The following CNOT9 variants were observed in gnomAD, a reference collection of about 807,000 sequenced individuals.
CNOT9 encodes the protein RCD1 required for cell differentiation1 homolog.
Under a neutral mutation model 37.4 loss-of-function variants are expected in CNOT9, and 8 were observed. That is an observed-to-expected ratio of 0.21 (90% CI 0.13 to 0.39). The LOEUF (loss-of-function observed/expected upper bound fraction) is 0.39, where lower values mean the gene tolerates loss of function less well. Among genes scored for constraint, CNOT9 ranks in the 10% least tolerant of loss-of-function variants. The probability of loss-of-function intolerance (pLI) is 1.00; values close to 1 mark genes in which losing one functional copy is unlikely to be tolerated. For synonymous variants in CNOT9, 120 were observed against 137.6 expected (o/e 0.87, Z 0.90); for missense variants, 154 against 365.3 (o/e 0.42, Z 4.71).
chr2:218,570,115 C>T (rs965563601), intron 1 of CNOT9, among the ~76,000 whole-genome samples: 1 of 152,110 alleles, frequency 6.6e-6, no homozygotes, highest in African/African-American at 2.4e-5. Flanking sequence ...AGATACTTTG[C>T]TGCATGAAAG....
intron 7 of CNOT9, chr2:218,593,692 C>A: frequency 7.9e-7 from 1 of 1,263,150 alleles, no homozygotes; most frequent in Non-Finnish European, 1.0e-6. Context: ...AAATTGATAA[C>A]TTAGTATAGA....
Position 218,587,653 on chromosome 2 carries a change from A to G in CNOT9, c.498A>G (p.Leu166=), listed in dbSNP as rs529993345. 6.2e-7 allele frequency: 1 copy of G among 1,606,882 alleles called. No homozygotes were observed. Among genetic ancestry groups the G allele is most frequent in the South Asian group, 1.1e-5 (1 of 89,570 alleles). The stretch of plus-strand genomic sequence containing the variant: ...TATTAACAACAGAAATTATCCCTTT[A>G]TGTTTGCGAATTATGGAATCTGGAA... ...NFLLTTEIIP[L]CLRIMESGSE... The change falls in exon 5 of 8, where the codon TTA becomes TTG. Residue 166 remains leucine, a synonymous_variant. Coordinates refer to ENST00000273064, the MANE Select transcript of CNOT9 (RefSeq NM_005444.3).
chr2:218,583,219 GTGTGTGTGTGTGTGTCTCTCTC>G (rs1694461729), intron 3 of CNOT9, 133 bp downstream of exon 3: 12 of 384,994 alleles, frequency 3.1e-5, no homozygotes, highest in South Asian at 1.1e-4. Context: ...GTGTGTGTGT[GTGTGTGTGTGTGTGTCTCTCTC>G]TCTCTCTCTC....
rs1273735355 is a variant in CNOT9, at chr2:218,595,522, A to T, written c.*1246A>T. The T allele has an allele frequency of 2.8e-5, 4 of 142,262 alleles. No homozygotes were observed. The highest frequency in any genetic ancestry group is 7.9e-5 in the Admixed American group (1 of 12,736). 8.8% of individuals were successfully genotyped at this position (142,262 alleles called of 1,614,324 possible). ...GTGTCAGAGATTTCCTCTTCTCTGG[A>T]GCTTAGGTGGCTCTTCACAATCCAT... On this transcript the variant is annotated 3_prime_UTR_variant, in exon 8 of 8. Transcript: ENST00000273064.
intron 1 of CNOT9, among the ~76,000 whole-genome samples, chr2:218,569,566 T>C (rs1487428583): frequency 6.6e-6 from 1 of 152,202 alleles, no homozygotes; most frequent in African/African-American, 2.4e-5. Context: ...GTAATCCTAC[T>C]TCTCTTGGCA....
intron 4 of CNOT9, among the ~76,000 whole-genome samples, chr2:218,585,101 T>C (rs897116642): frequency 1.3e-5 from 2 of 152,118 alleles, no homozygotes; most frequent in South Asian, 2.1e-4. Context: ...TCTTTTCTTT[T>C]CTTTCTGATA....
intron 7 of CNOT9, chr2:218,593,096 C>T: frequency 4.2e-6 from 1 of 236,130 alleles, no homozygotes. Context: ...CAATTCTGTC[C>T]TTGATTCCTA....
At chr2:218,580,785 C>G in intron 2 of CNOT9, 45 bp downstream of exon 2, 1 of 1,529,004 alleles carries the variant, frequency 6.5e-7, no homozygotes, top group Non-Finnish European at 9.0e-7. Flanking sequence ...TTTCATTACA[C>G]TTGTATATTT....
chr2:218,591,707 C>T (rs965420569), intron 5 of CNOT9, among the ~76,000 whole-genome samples: 60 of 151,000 alleles, frequency 4.0e-4, no homozygotes, highest in African/African-American at 1.4e-3. Context: ...GGAGCCACTG[C>T]ACTCCAGTCT....
chr2:218,570,810 A>G (rs1165758803), intron 1 of CNOT9, among the ~76,000 whole-genome samples: 1 of 152,224 alleles, frequency 6.6e-6, no homozygotes, highest in East Asian at 1.9e-4. Context: ...ATTACTTATA[A>G]TAAGTACTCA....
chr2:218,575,670 T>C (rs963874755), intron 1 of CNOT9, among the ~76,000 whole-genome samples: 3 of 152,198 alleles, frequency 2.0e-5, no homozygotes, highest in Non-Finnish European at 4.4e-5. Context: ...CCCAAAGTGC[T>C]GGGATTACAG....
rs547715418 is a variant in CNOT9 at position 218,585,404 on chromosome 2, C to A, written c.430+683C>A. On this transcript the variant is annotated intron_variant, in intron 4 of 7. Coordinates refer to ENST00000273064, the MANE Select transcript of CNOT9 (RefSeq NM_005444.3). ...TCATCTACTTTTTTTTTAGTCTCTA[C>A]TAAAAAAATAATGCAAAAATCAGCC... Among the ~76,000 whole-genome samples the A allele has an allele frequency of 2.6e-5, 4 of 151,472 alleles. No homozygotes were observed. In the East Asian group the frequency reaches 7.8e-4, roughly 29 times the overall value.
intron 1 of CNOT9, among the ~76,000 whole-genome samples, chr2:218,569,290 T>C (rs562405218): frequency 1.4e-3 from 207 of 152,304 alleles, no homozygotes; most frequent in African/African-American, 4.6e-3. Context: ...GCCAGTTGTG[T>C]TCTGGGCGCC....
chr2:218,594,001 T>G, intron 7 of CNOT9, 107 bp from the exon 8 acceptor site: 2 of 1,160,098 alleles, frequency 1.7e-6, no homozygotes, highest in South Asian at 1.4e-5. Flanking sequence ...GAGCCATAGA[T>G]TCACAGTATT....
rs34460301 is a variant in CNOT9 at position 218,597,036 on chromosome 2, AGG to A, written c.*2764_*2765del. ...TTCCTGCTGCTTAAAGGCTAGGAAA[AGG>A]GGGATATACAAAGTTGTTGCTTTCA... On this transcript the variant is annotated 3_prime_UTR_variant, in exon 8 of 8. Transcript: ENST00000273064. 2 of 152,166 alleles carry A rather than the reference AGG, an allele frequency of 1.3e-5. No homozygotes were observed. Among genetic ancestry groups the A allele is most frequent in the Admixed American group, 6.5e-5 (1 of 15,268 alleles). 9.4% of individuals were successfully genotyped at this position (152,166 alleles called of 1,614,324 possible).
Position 218,568,857 on chromosome 2 carries a change from G to T in CNOT9, c.-98G>T. ...GCGGAGCGAGCCGGAGTCGGATGGC[G>T]GCTACGGCGGCTCATTGTTTTCCGC... On this transcript the variant is annotated 5_prime_UTR_variant, in exon 1 of 8. Transcript: ENST00000273064. The T allele has an allele frequency of 4.3e-6, 6 of 1,394,802 alleles. No homozygotes were observed. Among genetic ancestry groups the T allele is most frequent in the African/African-American group, 1.4e-5 (1 of 69,948 alleles). The allele number at this position is 1,394,802 out of a possible 1,614,324, so 86.4% of individuals were successfully genotyped here.
chr2:218,588,817 C>T (rs1303405531), intron 5 of CNOT9, among the ~76,000 whole-genome samples: 2 of 151,384 alleles, frequency 1.3e-5, no homozygotes, highest in Admixed American at 6.6e-5. Context: ...TCAGATGATC[C>T]GCCCACCTTG....
chr2:218,593,557 C>G (rs2106100996), intron 7 of CNOT9: 1 of 1,503,048 alleles, frequency 6.7e-7, no homozygotes, highest in Middle Eastern at 1.7e-4. Flanking sequence ...TGCTGGTCAT[C>G]TTTTCAAAGA....
At chr2:218,575,387 C>CTTTTTTTTT (rs71064461) in intron 1 of CNOT9, among the ~76,000 whole-genome samples, 4 of 127,234 alleles carry the variant, frequency 3.1e-5, no homozygotes, top group African/African-American at 5.7e-5. Flanking sequence ...TTTCTTTTTT[C>CTTTTTTTTT]TTTTTTTTTT....
Sources: allele counts gnomAD v4.1 joint callset (sites outside exome capture counted in the v4.1 genomes callset), GRCh38; gene constraint gnomAD v4.1.1; transcripts MANE v1.5; gene names NCBI Gene and HGNC (gene_info 2026-07-23, HGNC 2026-07-21).